Variants in AATK observed in about 807,000 individuals in gnomAD.
AATK encodes lemur tail kinase 1.
Under a neutral mutation model 114.3 loss-of-function variants are expected in AATK, and 91 were observed. The ratio of observed to expected loss-of-function variants is 0.80; its 90% CI spans 0.67 to 0.95. AATK has a LOEUF of 0.95. Ranked by LOEUF, AATK falls within the 40% of genes least tolerant of loss-of-function variation. The probability of loss-of-function intolerance (pLI) is 0.00; values close to 1 mark genes in which losing one functional copy is unlikely to be tolerated. For synonymous variants in AATK, 1,075 were observed against 916.5 expected (o/e 1.17, Z -3.12); for missense variants, 2,176 against 1,965.2 (o/e 1.11, Z -2.03).
At chr17:81,152,325 C>A (rs2061309373) in intron 1 of AATK, among the ~76,000 whole-genome samples, 2 of 152,200 alleles carry the variant, frequency 1.3e-5, no homozygotes, top group South Asian at 2.1e-4. Flanking sequence ...GTGGCTCACA[C>A]CTGTAATCCC....
rs995086176 is a variant in AATK at position 81,140,275 on chromosome 17, C to T, written c.56-5774G>A. On this transcript the variant is annotated intron_variant, in intron 1 of 13. Transcript: ENST00000326724. ...GGCCTTCACCCCCACTTGCTTTTTT[C>T]GTATCAGTGCTCAAGACACTATCAT... 5.9e-5 allele frequency among the ~76,000 whole-genome samples: 9 copies of T among 152,308 alleles called. 1 individual carries two copies. The highest frequency in any genetic ancestry group is 7.2e-5 in the African/African-American group (3 of 41,570).
In AATK at chr17:81,122,317, G is replaced by A. The variant is rs948996619; in HGVS notation, c.1619C>T (p.Ala540Val). The change falls in exon 11 of 14, where the codon GCC becomes GTC. Residue 540 changes from alanine (A) to valine (V), a missense_variant. Physicochemically the swap from Ala to Val is moderately conservative, Grantham distance 64. Coordinates refer to ENST00000326724, the MANE Select transcript of AATK (RefSeq NM_001080395.3). ...YFIRLEEAAP[A>V]AGHDPDCAGC... ...GGCGCAGTCAGGGTCGTGGCCGGCG[G>A]CGGGTGCGGCCTCCTCTAGGCGGAT... The A allele has an allele frequency of 2.6e-6, 4 of 1,509,714 alleles. No individual in the cohort carries two copies. The highest frequency in any genetic ancestry group is 2.1e-5 in the Admixed American group (1 of 47,812). 93.5% of individuals were successfully genotyped at this position (1,509,714 alleles called of 1,614,324 possible). A position where few individuals can be genotyped will look rare whatever the true frequency, so the allele number is the denominator to read the frequency against.
intron 1 of AATK, among the ~76,000 whole-genome samples, chr17:81,140,671 G>A (rs190641719): frequency 0.14 from 18,683 of 129,552 alleles, 1,946 homozygotes; most frequent in African/African-American, 0.23. Flanking sequence ...TGGGGCCGTG[G>A]GGACCATGGG....
Position 81,134,415 on chromosome 17 carries a change from G to A in AATK, c.142C>T (p.Leu48Phe), listed in dbSNP as rs866136042. The change falls in exon 2 of 14, where the codon CTC (leucine) becomes TTC (phenylalanine). Residue 48 changes from leucine to phenylalanine, a missense_variant. By Grantham distance (22) the Leu-to-Phe change is conservative. Transcript: ENST00000326724. ...TTACAGCACAGGCAGGCCAGCATGA[G>A]GACGATGACGGCGAAGAGCCCGGAG... ...SFSGLFAVIVLMLACLCCKKG... is the reference protein window; with the variant it reads ...SFSGLFAVIVFMLACLCCKKG... The A allele has an allele frequency of 6.2e-7, 1 of 1,613,324 alleles. No homozygotes were observed.
chr17:81,118,583 A>G (rs1303211486), intron 13 of AATK, 141 bp from the exon 14 acceptor site: 7 of 824,550 alleles, frequency 8.5e-6, no homozygotes, highest in South Asian at 3.3e-5. Flanking sequence ...TGTCTAGGTG[A>G]GAGATGGACC....
intron 1 of AATK, among the ~76,000 whole-genome samples, chr17:81,138,561 CAT>C (rs780511273): frequency 6.6e-5 from 10 of 150,866 alleles, no homozygotes; most frequent in Admixed American, 4.6e-4. Context: ...CACGTGCACA[CAT>C]ACCCCCACAC....
In AATK at chr17:81,121,685, C is replaced by T. The variant is rs1408571501; in HGVS notation, c.2251G>A (p.Ala751Thr). The change falls in exon 11 of 14, where the codon GCC (alanine) becomes ACC (threonine). Residue 751 changes from alanine to threonine, a missense_variant. This residue lies in a region of AATK where 1,701 missense variants were observed against 1,394.7 expected (regional missense o/e 1.22). Transcript: ENST00000326724. Reference protein sequence around the residue: ...CCPGLPHLCSAQGLAPAPCLV... With the variant: ...CCPGLPHLCSTQGLAPAPCLV... ...CAGGGAGCAGGTGCCAGGCCCTGGG[C>T]AGAGCATAGATGAGGGAGGCCGGGG... The T allele has an allele frequency of 6.0e-6, 9 of 1,500,422 alleles. No individual in the cohort carries two copies. The highest frequency in any genetic ancestry group is 1.4e-5 in the African/African-American group (1 of 72,002). 92.9% of individuals were successfully genotyped at this position (1,500,422 alleles called of 1,614,324 possible).
chr17:81,138,232 C>T (rs548707563), intron 1 of AATK, among the ~76,000 whole-genome samples: 17 of 151,424 alleles, frequency 1.1e-4, no homozygotes, highest in African/African-American at 2.9e-4. Flanking sequence ...TCCACCCACA[C>T]GCACATACCC....
chr17:81,156,961 C>G (rs1212259648), intron 1 of AATK, among the ~76,000 whole-genome samples: 1 of 152,128 alleles, frequency 6.6e-6, no homozygotes, highest in Non-Finnish European at 1.5e-5. Context: ...GGCCTCCCGA[C>G]ACAGGGGAGA....
intron 1 of AATK, among the ~76,000 whole-genome samples, chr17:81,157,749 C>T (rs577730460): frequency 5.9e-5 from 9 of 152,322 alleles, no homozygotes; most frequent in Non-Finnish European, 1.2e-4. Flanking sequence ...GGAATGCCCC[C>T]GGTTCCCCAG....
chr17:81,164,951 C>T lies in AATK; in HGVS notation c.55+987G>A, dbSNP rs566796034. ...GACCGAGATCTGCCCCGGGGACCCC[C>T]GTGCCTCCCTGCCAGGCTGCGTGCA... On this transcript the variant is annotated intron_variant, in intron 1 of 13. Coordinates refer to ENST00000326724, the MANE Select transcript of AATK (RefSeq NM_001080395.3). Among the ~76,000 whole-genome samples, 33 of 152,362 alleles carry T rather than the reference C, an allele frequency of 2.2e-4. No individual in the cohort carries two copies. In the South Asian group the frequency reaches 5.4e-3, roughly 25 times the overall value.
At chr17:81,154,319 C>CTTTTTTTTTTTTTTTTTTTTTCT (rs202002919) in intron 1 of AATK, among the ~76,000 whole-genome samples, 1 of 113,806 alleles carries the variant, frequency 8.8e-6, no homozygotes, top group Non-Finnish European at 1.7e-5. Flanking sequence ...TTTTTTCTTT[C>CTTTTTTTTTTTTTTTTTTTTTCT]TTTTTTTTTT....
Position 81,124,798 on chromosome 17 carries a change from G to A in AATK, c.891C>T (p.Ile297=), listed in dbSNP as rs201967147. 1,219 of 1,612,682 alleles carry A rather than the reference G, an allele frequency of 7.6e-4. 3 individuals are homozygous for A. Among genetic ancestry groups the A allele is most frequent in the Non-Finnish European group, 9.8e-4 (1,161 of 1,179,756 alleles). Residue 297 remains isoleucine (I), a synonymous_variant, in exon 9 of 14, where the codon ATC becomes ATT. Transcript: ENST00000326724. ...ADQLWVPLRW[I]APELVDEVHS... is the part of the protein sequence containing the mutation. ...GCACCTCGTCCACCAGCTCTGGCGC[G>A]ATCCAGCGCAGAGGCACCCACAGCT...
intron 2 of AATK, 36 bp downstream of exon 2, chr17:81,134,332 G>A (rs765558437): frequency 3.7e-6 from 6 of 1,610,824 alleles, no homozygotes; most frequent in Non-Finnish European, 5.1e-6. Flanking sequence ...TTGCCTGCGG[G>A]ATCCCACGAC....
rs1330613989 is a variant in AATK at position 81,120,432 on chromosome 17, G to A, written c.3504C>T (p.Ser1168=). ...PEEEEEDSED[S]DESDEELRCY... ...AGCGGAGCTCCTCGTCAGACTCGTC[G>A]CTGTCCTCACTGTCCTCCTCCTCCT... is the stretch of plus-strand genomic sequence containing the variant. Residue 1168 remains serine, a synonymous_variant, in exon 11 of 14, where the codon AGC becomes AGT. Coordinates refer to ENST00000326724, the MANE Select transcript of AATK (RefSeq NM_001080395.3). The A allele has an allele frequency of 4.4e-6, 7 of 1,577,952 alleles. No individual in the cohort carries two copies. Among genetic ancestry groups the A allele is most frequent in the East Asian group, 2.3e-5 (1 of 43,498 alleles).
chr17:81,135,098 C>T (rs111499557), intron 1 of AATK, among the ~76,000 whole-genome samples: 5,204 of 152,276 alleles, frequency 0.034, 116 homozygotes, highest in South Asian at 0.085. Flanking sequence ...CACTGCCAGG[C>T]CCCTCTGGTG....
At chr17:81,158,519 C>T (rs917092157) in intron 1 of AATK, among the ~76,000 whole-genome samples, 4 of 152,222 alleles carry the variant, frequency 2.6e-5, no homozygotes, top group Non-Finnish European at 4.4e-5. Flanking sequence ...CACAGGGTCA[C>T]GGGAAGTGAA....
intron 1 of AATK, among the ~76,000 whole-genome samples, chr17:81,151,428 CG>C (rs2061296490): frequency 6.6e-6 from 1 of 152,014 alleles, no homozygotes; most frequent in Non-Finnish European, 1.5e-5. Context: ...GGACCGTGGC[CG>C]GGGACGCGTG....
intron 7 of AATK, chr17:81,125,735 T>A: frequency 2.9e-6 from 1 of 344,548 alleles, no homozygotes; most frequent in South Asian, 2.1e-5. Context: ...ACCCAGCCTG[T>A]CCCTCCCCAC....
Sources: gnomAD v4.1 joint callset for allele counts (sites outside exome capture counted in the v4.1 genomes callset) on GRCh38, gnomAD v4.1.1 for gene constraint, gnomAD v4.1.1 regional missense constraint, MANE v1.5 for transcripts, NCBI Gene and HGNC (gene_info 2026-07-23, HGNC 2026-07-21) for gene names.